Variants in BBIP1 observed in about 807,000 individuals in gnomAD.
BBIP1 encodes the protein BBSome interacting protein 1, also known as BBSome-interacting protein 1.
BBIP1 carries 6 observed loss-of-function variants against 8.9 expected under a neutral mutation model. That is an observed-to-expected ratio of 0.67 (90% CI 0.37 to 1.33). The LOEUF (loss-of-function observed/expected upper bound fraction) is 1.33, where lower values mean the gene tolerates loss of function less well. BBIP1 is among the 40% of genes most tolerant of loss of function. BBIP1 has a pLI of 0.02. For synonymous variants in BBIP1, 32 were observed against 33.4 expected (o/e 0.96, Z 0.14); for missense variants, 111 against 109.2 (o/e 1.02, Z -0.07).
Position 110,905,987 on chromosome 10 carries a change from T to C in BBIP1, c.38-4375A>G, listed in dbSNP as rs148161100. 4.8e-3 allele frequency among the ~76,000 whole-genome samples: 703 copies of C among 146,042 alleles called. 4 individuals are homozygous for C. The highest frequency in any genetic ancestry group is 0.017 in the African/African-American group (665 of 39,662). On this transcript the variant is annotated intron_variant, in intron 2 of 3. Transcript: ENST00000448814. ...CTATTTCCAACCCACTTTATTCTAG[T>C]GTAACGTATTTTCATGCCTTTTTTT...
At chr10:110,915,716 T>C (rs11195375) in intron 2 of BBIP1, among the ~76,000 whole-genome samples, 1 of 152,134 alleles carries the variant, frequency 6.6e-6, no homozygotes, top group Admixed American at 6.5e-5. Flanking sequence ...TTTTTTTTTC[T>C]TTTTTGAGAC....
At chr10:110,906,190 T>C (rs1026553375) in intron 2 of BBIP1, among the ~76,000 whole-genome samples, 1 of 152,010 alleles carries the variant, frequency 6.6e-6, no homozygotes, top group Non-Finnish European at 1.5e-5. Flanking sequence ...GTATTTCTAG[T>C]AGGGATGGGG....
intron 2 of BBIP1, among the ~76,000 whole-genome samples, chr10:110,917,134 GA>G (rs1846425438): frequency 6.7e-6 from 1 of 148,846 alleles, no homozygotes; most frequent in Admixed American, 6.7e-5. Context: ...GTCACAGGGG[GA>G]AAAAAGATGG....
At chr10:110,918,480 T>C (rs1223406582) in intron 1 of BBIP1, among the ~76,000 whole-genome samples, 3 of 152,082 alleles carry the variant, frequency 2.0e-5, no homozygotes, top group African/African-American at 4.8e-5. Context: ...AGGTGGAAAA[T>C]GATTTTCTGA....
rs1268994925 is a variant in BBIP1 at position 110,900,255 on chromosome 10, A to G, written c.*105T>C. The G allele has an allele frequency of 1.8e-6, 2 of 1,100,820 alleles. No homozygotes were observed. The highest frequency in any genetic ancestry group is 3.2e-5 in the Admixed American group (1 of 31,032). The allele number at this position is 1,100,820 out of a possible 1,614,324, so 68.2% of individuals were successfully genotyped here. A position where few individuals can be genotyped will look rare whatever the true frequency, so the allele number is the denominator to read the frequency against. On this transcript the variant is annotated 3_prime_UTR_variant, in exon 4 of 4. Transcript: ENST00000448814. ...TTTTGTATTTCTATGAATACTATCA[A>G]TTTTATTGATAACACATACTACTTT... is the stretch of plus-strand genomic sequence containing the variant.
chr10:110,916,356 G>A (rs550891502), intron 2 of BBIP1, among the ~76,000 whole-genome samples: 3 of 152,192 alleles, frequency 2.0e-5, no homozygotes, highest in South Asian at 2.1e-4. Flanking sequence ...AGGAGTATAC[G>A]ACGTTGGCAG....
chr10:110,902,386 A>G (rs1381234029), intron 2 of BBIP1: 1 of 152,266 alleles, frequency 6.6e-6, no homozygotes, highest in African/African-American at 2.4e-5. Flanking sequence ...ACTAAGCTGT[A>G]GAATGATCCC....
intron 2 of BBIP1, chr10:110,911,265 A>G (rs1846269395): frequency 6.6e-6 from 1 of 152,182 alleles, no homozygotes. Context: ...TGCATGATGA[A>G]AAACCTATGG....
At chr10:110,918,059 CG>C in intron 2 of BBIP1, 61 bp downstream of exon 2, 1 of 1,408,444 alleles carries the variant, frequency 7.1e-7, no homozygotes, top group South Asian at 1.2e-5. Context: ...GAAATTAAGT[CG>C]AGAAGGTAGG....
At position 110,918,125 on chromosome 10, in the gene BBIP1, A is replaced by G; in HGVS notation, c.33T>C (p.Leu11=). The change falls in exon 2 of 4, where the codon CTT becomes CTC. Residue 11 remains leucine, a synonymous_variant. Coordinates refer to ENST00000448814, the MANE Select transcript of BBIP1 (RefSeq NM_001195305.3). MLKAAAKRPE[L]SGKNTISNNS... Reference sequence around the variant, plus strand: ...ATTAACCATTTTCAATTTTACCTGAAAGTTCTGGTCTTTTTGCTGCAGCTT... The same window carrying G: ...ATTAACCATTTTCAATTTTACCTGAGAGTTCTGGTCTTTTTGCTGCAGCTT... 1.3e-6 allele frequency: 2 copies of G among 1,535,908 alleles called. No individual in the cohort carries two copies. Among genetic ancestry groups the G allele is most frequent in the Non-Finnish European group, 1.7e-6 (2 of 1,146,718 alleles).
In BBIP1 at chr10:110,900,312, T is replaced by TTA. The variant is rs1390762429; in HGVS notation, c.*46_*47dup. On this transcript the variant is annotated 3_prime_UTR_variant, in exon 4 of 4. Coordinates refer to ENST00000448814, the MANE Select transcript of BBIP1 (RefSeq NM_001195305.3). ...ACAGAAGCATATTTTCTAGTTATTGTTAAATAGTAGATAAGGCAGGTTGTT... is the reference window on the plus strand; with the variant it reads ...ACAGAAGCATATTTTCTAGTTATTGTTATAAATAGTAGATAAGGCAGGTTGTT... 4.1e-6 allele frequency: 6 copies of TTA among 1,473,974 alleles called. No homozygotes were observed. Among genetic ancestry groups the TTA allele is most frequent in the Non-Finnish European group, 5.4e-6 (6 of 1,108,782 alleles). 91.3% of individuals were successfully genotyped at this position (1,473,974 alleles called of 1,614,324 possible).
At chr10:110,912,784 A>G (rs998992754) in intron 2 of BBIP1, among the ~76,000 whole-genome samples, 3 of 151,900 alleles carry the variant, frequency 2.0e-5, no homozygotes, top group African/African-American at 7.3e-5. Context: ...CCATGGGTCT[A>G]TGTGTTTATC....
chr10:110,914,678 T>C (rs1456307010), intron 2 of BBIP1, among the ~76,000 whole-genome samples: 1 of 152,078 alleles, frequency 6.6e-6, no homozygotes, highest in Non-Finnish European at 1.5e-5. Flanking sequence ...GGTAGAAAAA[T>C]GTTGCAACGT....
Position 110,900,432 on chromosome 10 carries a change from C to T in BBIP1, c.207G>A (p.Met69Ile). 6.5e-7 allele frequency: 1 copy of T among 1,535,870 alleles called. No individual in the cohort carries two copies. The highest frequency in any genetic ancestry group is 1.2e-5 in the South Asian group (1 of 84,054). ...KSLTLEKLEK[M>I]HQAAQNTIRQ... ...GAATTGTATTCTGTGCTGCTTGATG[C>T]ATTTTCTCTAGTTTTTCCAGAGTCA... The change falls in exon 4 of 4, where the codon ATG (methionine) becomes ATA (isoleucine). Residue 69 changes from methionine (M) to isoleucine (I), a missense_variant. Transcript: ENST00000448814.
rs1248657060 is a variant in BBIP1, at chr10:110,918,199, A to C, written c.-42T>G. The C allele has an allele frequency of 6.8e-7, 1 of 1,479,210 alleles. No homozygotes were observed. The highest frequency in any genetic ancestry group is 9.1e-7 in the Non-Finnish European group (1 of 1,095,508). The allele number at this position is 1,479,210 out of a possible 1,614,324, so 91.6% of individuals were successfully genotyped here. A position where few individuals can be genotyped will look rare whatever the true frequency, so the allele number is the denominator to read the frequency against. ...AAGATGACTTAGAGTTCTTGACTCA[A>C]GCATACAGAAGAAACTACAAGATAA... On this transcript the variant is annotated 5_prime_UTR_variant, in exon 2 of 4. Transcript: ENST00000448814.
chr10:110,901,574 C>T lies in BBIP1; in HGVS notation c.76G>A (p.Val26Met). ...TISNNSDMAE[V>M]KSMFREVLPK... is the part of the protein sequence containing the mutation. ...AGAACTTCCCGGAACATTGACTTCA[C>T]TTCTGCCATATCTGAGTTGTTGGAT... The change falls in exon 3 of 4, where the codon GTG (valine) becomes ATG (methionine). Residue 26 changes from valine (V) to methionine (M), a missense_variant. Coordinates refer to ENST00000448814, the MANE Select transcript of BBIP1 (RefSeq NM_001195305.3). The T allele has an allele frequency of 6.5e-7, 1 of 1,535,690 alleles. No homozygotes were observed. Among genetic ancestry groups the T allele is most frequent in the East Asian group, 2.4e-5 (1 of 40,882 alleles).
rs1214233230 is a variant in BBIP1, at chr10:110,898,845, T to C, written c.*1515A>G. 1 of 152,590 alleles carries C rather than the reference T, an allele frequency of 6.6e-6. No homozygotes were observed. Among genetic ancestry groups the C allele is most frequent in the Non-Finnish European group, 1.5e-5 (1 of 68,032 alleles). 9.5% of individuals were successfully genotyped at this position (152,590 alleles called of 1,614,324 possible). A position where few individuals can be genotyped will look rare whatever the true frequency, so the allele number is the denominator to read the frequency against. On this transcript the variant is annotated 3_prime_UTR_variant, in exon 4 of 4. Coordinates refer to ENST00000448814, the MANE Select transcript of BBIP1 (RefSeq NM_001195305.3). ...GCATATTTGAACCTAGTCAATTTAA[T>C]CTTAGTGTTCCCTTGAAAACTTTTT...
intron 2 of BBIP1, chr10:110,911,880 G>T (rs1846285828): frequency 6.6e-6 from 1 of 152,126 alleles, no homozygotes; most frequent in Non-Finnish European, 1.5e-5. Context: ...ATGGTGGAGA[G>T]ATAATCGTAG....
chr10:110,918,083 T>A lies in BBIP1; in HGVS notation c.37+38A>T, dbSNP rs752139462. The A allele has an allele frequency of 5.3e-6, 8 of 1,521,982 alleles. No homozygotes were observed. In the South Asian group the frequency reaches 9.6e-5, roughly 18 times the overall value. 94.3% of individuals were successfully genotyped at this position (1,521,982 alleles called of 1,614,324 possible). On this transcript the variant is annotated intron_variant, in intron 2 of 3. Transcript: ENST00000448814. Reference sequence around the variant, plus strand: ...TCGAGAAGGTAGGTTTGCATCTGTATTGTTGACTGGCTGGATATTAACCAT... The same window carrying A: ...TCGAGAAGGTAGGTTTGCATCTGTAATGTTGACTGGCTGGATATTAACCAT...
Sources: allele counts gnomAD v4.1 joint callset (sites outside exome capture counted in the v4.1 genomes callset), GRCh38; gene constraint gnomAD v4.1.1; transcripts MANE v1.5; gene names NCBI Gene and HGNC (gene_info 2026-07-23, HGNC 2026-07-21).